FAM135B: variants seen among roughly 807,000 people sequenced by gnomAD.
FAM135B encodes the protein family with sequence similarity 135 member B.
A neutral mutation model predicts 127.7 loss-of-function variants in FAM135B; 43 were observed. The observed-to-expected ratio is 0.34, with a 90% confidence interval of 0.26 to 0.43. The LOEUF (loss-of-function observed/expected upper bound fraction) is 0.43. Ranked by LOEUF, FAM135B falls within the 20% of genes least tolerant of loss-of-function variation. The pLI is 1.00. For synonymous variants in FAM135B, 670 were observed against 665.1 expected (o/e 1.01, Z -0.11); for missense variants, 1,558 against 1,725.6 (o/e 0.90, Z 1.72).
chr8:138,386,988 T>A, intron 1 of FAM135B, among the ~76,000 whole-genome samples: 1 of 152,172 alleles, frequency 6.6e-6, no homozygotes, highest in East Asian at 1.9e-4. Context: ...AATCATTTCT[T>A]CATCTCTTGA....
chr8:138,402,565 C>T (rs1833212459), intron 1 of FAM135B, among the ~76,000 whole-genome samples: 1 of 152,114 alleles, frequency 6.6e-6, no homozygotes. Context: ...CATTAACTCA[C>T]CTCTATGCAG....
At chr8:138,224,775 T>C (rs562614991) in intron 7 of FAM135B, among the ~76,000 whole-genome samples, 1 of 152,200 alleles carries the variant, frequency 6.6e-6, no homozygotes, top group East Asian at 1.9e-4. Context: ...CATGATGAGG[T>C]TAATACCCTG....
intron 9 of FAM135B, among the ~76,000 whole-genome samples, chr8:138,194,793 T>G (rs2131106977): frequency 6.6e-6 from 1 of 152,348 alleles, no homozygotes; most frequent in African/African-American, 2.4e-5. Flanking sequence ...TGTCAAATAT[T>G]TATTCAGCCT....
chr8:138,258,426 A>C (rs992679445), intron 4 of FAM135B, among the ~76,000 whole-genome samples: 1 of 152,236 alleles, frequency 6.6e-6, no homozygotes, highest in Non-Finnish European at 1.5e-5. Context: ...TGCTATAAAT[A>C]ACTTCCTTTC....
chr8:138,335,172 T>C (rs1828474948), intron 2 of FAM135B, among the ~76,000 whole-genome samples: 1 of 152,160 alleles, frequency 6.6e-6, no homozygotes, highest in African/African-American at 2.4e-5. Context: ...AGACATGACC[T>C]ACAGGGCAGG....
intron 3 of FAM135B, among the ~76,000 whole-genome samples, chr8:138,303,759 C>T (rs192169627): frequency 1.1e-3 from 175 of 152,262 alleles, no homozygotes; most frequent in African/African-American, 3.7e-3. Flanking sequence ...AGAATCCATG[C>T]GTATGTGGGC....
intron 5 of FAM135B, among the ~76,000 whole-genome samples, chr8:138,251,331 T>C (rs996065138): frequency 1.3e-5 from 2 of 152,170 alleles, no homozygotes; most frequent in Non-Finnish European, 2.9e-5. Flanking sequence ...CTCTTCAACA[T>C]TGAAGCCTCC....
At chr8:138,450,435 A>G (rs1379887615) in intron 1 of FAM135B, 1 of 152,218 alleles carries the variant, frequency 6.6e-6, no homozygotes, top group African/African-American at 2.4e-5. Flanking sequence ...TGCCTTCCAC[A>G]GGGATTATAT....
In FAM135B at chr8:138,480,604, A is replaced by G. The variant is rs532112110; in HGVS notation, c.-20+16067T>C. ...TATGAGAGAAATAGGAAAAAATGAG[A>G]GAGGTTCAGTGGAAGAAACAAATTC... On this transcript the variant is annotated intron_variant, in intron 1 of 19. Coordinates refer to ENST00000395297, the MANE Select transcript of FAM135B (RefSeq NM_015912.4). 1.9e-4 allele frequency among the ~76,000 whole-genome samples: 29 copies of G among 152,306 alleles called. No homozygotes were observed. The South Asian group carries it at 6.0e-3, about 32-fold the overall frequency.
chr8:138,436,762 T>C (rs938178579), intron 1 of FAM135B: 5 of 152,232 alleles, frequency 3.3e-5, no homozygotes, highest in African/African-American at 1.2e-4. Flanking sequence ...TGGTAACATT[T>C]TATAAGGGCC....
intron 1 of FAM135B, among the ~76,000 whole-genome samples, chr8:138,406,245 T>A (rs1220740960): frequency 6.6e-6 from 1 of 152,118 alleles, no homozygotes; most frequent in Non-Finnish European, 1.5e-5. Context: ...CAATTTTGGA[T>A]CTGAAATTGT....
chr8:138,365,287 A>T (rs1027054855), intron 2 of FAM135B, among the ~76,000 whole-genome samples: 14 of 152,218 alleles, frequency 9.2e-5, no homozygotes, highest in African/African-American at 3.1e-4. Context: ...GATCTAGAAA[A>T]AAGGGAAGAG....
intron 9 of FAM135B, among the ~76,000 whole-genome samples, chr8:138,189,506 A>G (rs1815914818): frequency 6.6e-6 from 1 of 152,248 alleles, no homozygotes; most frequent in South Asian, 2.1e-4. Context: ...AGCTGTTAAC[A>G]CTTAAGCCAT....
chr8:138,448,374 C>T (rs1156942634), intron 1 of FAM135B, among the ~76,000 whole-genome samples: 4 of 152,132 alleles, frequency 2.6e-5, no homozygotes, highest in Admixed American at 2.6e-4. Context: ...AAGACTGCCC[C>T]TTCCAAGAAT....
chr8:138,284,280 C>T (rs1824499531), intron 3 of FAM135B, among the ~76,000 whole-genome samples: 1 of 152,010 alleles, frequency 6.6e-6, no homozygotes, highest in African/African-American at 2.4e-5. Flanking sequence ...AATCACCCAC[C>T]ACAACCTTGT....
chr8:138,403,170 T>C (rs1833247266), intron 1 of FAM135B, among the ~76,000 whole-genome samples: 1 of 152,196 alleles, frequency 6.6e-6, no homozygotes, highest in Admixed American at 6.5e-5. Flanking sequence ...TTATCTCACT[T>C]ACTCCACAGC....
At chr8:138,236,429 TC>T (rs1028147834) in intron 7 of FAM135B, among the ~76,000 whole-genome samples, 2 of 143,648 alleles carry the variant, frequency 1.4e-5, no homozygotes, top group African/African-American at 5.3e-5. Flanking sequence ...CACACACACA[TC>T]CCCACATACA....
intron 1 of FAM135B, among the ~76,000 whole-genome samples, chr8:138,430,946 GAATA>G (rs1835159281): frequency 1.3e-5 from 2 of 152,224 alleles, no homozygotes; most frequent in African/African-American, 2.4e-5. Context: ...TTTCCCAAGG[GAATA>G]AATAATGTAT....
intron 7 of FAM135B, among the ~76,000 whole-genome samples, chr8:138,237,350 G>A (rs149985039): frequency 2.0e-5 from 3 of 151,874 alleles, no homozygotes; most frequent in Non-Finnish European, 4.4e-5. Flanking sequence ...TAGTAGAGAC[G>A]GGGTTTCTCC....
Sources: allele counts gnomAD v4.1 joint callset (sites outside exome capture counted in the v4.1 genomes callset), GRCh38; gene constraint gnomAD v4.1.1; transcripts MANE v1.5; gene names NCBI Gene and HGNC (gene_info 2026-07-23, HGNC 2026-07-21).